Variants in CNGB3 observed in about 807,000 individuals in gnomAD.
CNGB3 encodes the protein cyclic nucleotide gated channel subunit beta 3, also known as cyclic nucleotide-gated channel beta-3.
In CNGB3, 86 loss-of-function variants were observed where a neutral mutation model predicts 92.8. The observed-to-expected ratio is 0.93, with a 90% CI of 0.78 to 1.11. The LOEUF is 1.11. CNGB3 is among the 50% of genes least tolerant of loss of function. CNGB3 has a pLI of 0.00. For synonymous variants in CNGB3, 333 were observed against 332.7 expected (o/e 1.00, Z -0.01); for missense variants, 1,026 against 956.8 (o/e 1.07, Z -0.95).
At chr8:86,680,018 G>A (rs1240630257) in intron 3 of CNGB3, among the ~76,000 whole-genome samples, 1 of 152,172 alleles carries the variant, frequency 6.6e-6, no homozygotes, top group Admixed American at 6.5e-5. Context: ...CTCCAGAACT[G>A]TGAGAAAATA....
At chr8:86,592,757 T>C (rs943100440) in intron 15 of CNGB3, among the ~76,000 whole-genome samples, 2 of 152,336 alleles carry the variant, frequency 1.3e-5, no homozygotes, top group East Asian at 3.9e-4. Flanking sequence ...TATTCAATGC[T>C]GAGTAAGGGA....
intron 3 of CNGB3, among the ~76,000 whole-genome samples, chr8:86,713,818 T>C (rs1293710339): frequency 6.6e-6 from 1 of 152,196 alleles, no homozygotes; most frequent in East Asian, 1.9e-4. Flanking sequence ...TCACCCCTCT[T>C]TAGAAGAGAC....
intron 3 of CNGB3, among the ~76,000 whole-genome samples, chr8:86,687,181 T>G (rs917041586): frequency 1.3e-5 from 2 of 152,032 alleles, no homozygotes; most frequent in South Asian, 2.1e-4. Flanking sequence ...TTGTTGGGAA[T>G]ATGAGATGGT....
chr8:86,701,366 G>A (rs1170469324), intron 3 of CNGB3, among the ~76,000 whole-genome samples: 1 of 152,186 alleles, frequency 6.6e-6, no homozygotes, highest in Non-Finnish European at 1.5e-5. Flanking sequence ...CAGTGTTGAA[G>A]TATTTCTTGA....
intron 2 of CNGB3, among the ~76,000 whole-genome samples, chr8:86,735,993 T>G (rs940753492): frequency 1.3e-5 from 2 of 151,966 alleles, no homozygotes; most frequent in African/African-American, 4.8e-5. Flanking sequence ...AAAGAAGCAT[T>G]TAACATAATA....
intron 1 of CNGB3, 41 bp from the exon 2 acceptor site, chr8:86,739,777 A>G (rs1260889434): frequency 2.5e-6 from 4 of 1,604,356 alleles, no homozygotes; most frequent in African/African-American, 2.7e-5. Flanking sequence ...ATGAATTTAC[A>G]TAAAAATGAA....
At position 86,626,078 on chromosome 8, in the gene CNGB3, CA is replaced by C. The variant is rs1487028109; in HGVS notation, c.1482del (p.Asp494GlufsTer15). 2 of 1,609,294 alleles carry C rather than the reference CA, an allele frequency of 1.2e-6. No homozygotes were observed. Among genetic ancestry groups the C allele is most frequent in the Non-Finnish European group, 1.7e-6 (2 of 1,175,952 alleles). On this transcript the variant is annotated frameshift_variant and splice_region_variant, in exon 13 of 18. Transcript: ENST00000320005. LOFTEE classifies it high-confidence loss of function. ...GGTAGGGTCTTAAGCAAATCAGACT[CA>C]TCTTTATAAAGATAAACACATCAAA... ...EYTWDSQRMLDESDLLKTLPT... is the reference protein window; with the variant it reads ...EYTWDSQRMLXESDLLKTLPT...
intron 10 of CNGB3, among the ~76,000 whole-genome samples, chr8:86,633,541 C>A (rs2131586134): frequency 6.6e-6 from 1 of 152,308 alleles, no homozygotes; most frequent in Non-Finnish European, 1.5e-5. Context: ...AGAGCAATAG[C>A]AGCCCAGGTG....
chr8:86,661,451 T>G (rs376577345), intron 6 of CNGB3: 33 of 547,426 alleles, frequency 6.0e-5, no homozygotes, highest in South Asian at 3.8e-4. Context: ...AACTCCATGA[T>G]CTGCATACGT....
chr8:86,590,036 A>G (rs985418688), intron 15 of CNGB3, among the ~76,000 whole-genome samples: 3 of 149,228 alleles, frequency 2.0e-5, no homozygotes, highest in African/African-American at 7.4e-5. Flanking sequence ...TATTGGGTGC[A>G]TATATATTTA....
intron 6 of CNGB3, among the ~76,000 whole-genome samples, chr8:86,665,911 A>T (rs1366719276): frequency 6.6e-6 from 1 of 152,182 alleles, no homozygotes; most frequent in Non-Finnish European, 1.5e-5. Flanking sequence ...GGGAAAAAAA[A>T]GGGTCATGAA....
chr8:86,653,643 C>T (rs1823447795), intron 7 of CNGB3, among the ~76,000 whole-genome samples: 1 of 151,984 alleles, frequency 6.6e-6, no homozygotes, highest in African/African-American at 2.4e-5. Context: ...TATATGAGAA[C>T]AAGAAAGAAG....
intron 11 of CNGB3, 87 bp downstream of exon 11, chr8:86,632,665 T>G: frequency 7.2e-7 from 1 of 1,397,944 alleles, no homozygotes; most frequent in Non-Finnish European, 1.0e-6. Flanking sequence ...CAGACAGATT[T>G]TAATTTTTCC....
chr8:86,666,135 C>A (rs373775382), intron 6 of CNGB3, among the ~76,000 whole-genome samples: 1 of 152,110 alleles, frequency 6.6e-6, no homozygotes, highest in South Asian at 2.1e-4. Context: ...TGAAATAATA[C>A]CTATCTTATT....
chr8:86,685,056 C>T (rs556156629), intron 3 of CNGB3, among the ~76,000 whole-genome samples: 1 of 152,084 alleles, frequency 6.6e-6, no homozygotes, highest in African/African-American at 2.4e-5. Flanking sequence ...TGTGAATTAT[C>T]ATTTTCAATA....
At chr8:86,693,599 G>A (rs10099550) in intron 3 of CNGB3, among the ~76,000 whole-genome samples, 29,608 of 149,146 alleles carry the variant, frequency 0.2, 3,094 homozygotes, top group Middle Eastern at 0.35. Flanking sequence ...GCGGCCTTCC[G>A]CAGTGTTTGT....
In CNGB3 at chr8:86,666,861, C is replaced by T. The variant is rs1269890688; in HGVS notation, c.852+64G>A. 4 of 1,316,080 alleles carry T rather than the reference C, an allele frequency of 3.0e-6. No homozygotes were observed. The Admixed American group carries it at 5.1e-5, about 17-fold the overall frequency. The allele number at this position is 1,316,080 out of a possible 1,614,324, so 81.5% of individuals were successfully genotyped here. On this transcript the variant is annotated intron_variant, in intron 6 of 17. Transcript: ENST00000320005. ...AACATTAAATAAAACAATGCTGTTA[C>T]TTTTTGTAGCCCAATTAGATGTTAT... is the stretch of plus-strand genomic sequence containing the variant.
At chr8:86,668,230 C>G in intron 4 of CNGB3, 62 bp from the exon 5 acceptor site, 1 of 1,530,830 alleles carries the variant, frequency 6.5e-7, no homozygotes, top group Non-Finnish European at 8.9e-7. Flanking sequence ...TAGTTAAAAA[C>G]TTGAATTTCT....
At chr8:86,596,651 G>T (rs913763486) in intron 15 of CNGB3, among the ~76,000 whole-genome samples, 2 of 152,190 alleles carry the variant, frequency 1.3e-5, no homozygotes, top group African/African-American at 2.4e-5. Flanking sequence ...ACCACACATG[G>T]TGTCTAGCAG....
Sources: allele counts gnomAD v4.1 joint callset (sites outside exome capture counted in the v4.1 genomes callset), GRCh38; gene constraint gnomAD v4.1.1; transcripts MANE v1.5; gene names NCBI Gene and HGNC (gene_info 2026-07-23, HGNC 2026-07-21).